CSGALNACT1: variants seen among roughly 807,000 people sequenced by gnomAD.
The protein encoded by CSGALNACT1 is chondroitin sulfate N-acetylgalactosaminyltransferase 1, also known as beta4GalNAcT-1.
Under a neutral mutation model 51.0 loss-of-function variants are expected in CSGALNACT1, and 52 were observed. The ratio of observed to expected loss-of-function variants is 1.02; its 90% CI spans 0.82 to 1.29. The LOEUF (loss-of-function observed/expected upper bound fraction) is 1.29, where lower values mean the gene tolerates loss of function less well. Ranked by LOEUF, CSGALNACT1 falls within the 50% of genes most tolerant of loss-of-function variation. The pLI, the probability that CSGALNACT1 is intolerant of heterozygous loss-of-function variation, is 0.00. For missense variants in CSGALNACT1, 935 were observed against 679.2 expected (o/e 1.38, Z -4.19); for synonymous variants, 341 against 254.4 (o/e 1.34, Z -3.24).
At chr8:19,515,006 C>T (rs879041397) in intron 3 of CSGALNACT1, among the ~76,000 whole-genome samples, 1 of 152,278 alleles carries the variant, frequency 6.6e-6, no homozygotes, top group Admixed American at 6.5e-5. Flanking sequence ...AGTTGATCTT[C>T]TGACTGCATT....
At chr8:19,626,431 A>T (rs2054466628) in intron 1 of CSGALNACT1, among the ~76,000 whole-genome samples, 1 of 152,226 alleles carries the variant, frequency 6.6e-6, no homozygotes, top group Non-Finnish European at 1.5e-5. Flanking sequence ...TTTAACAAAA[A>T]TTAGATCAAA....
At chr8:19,582,656 T>C (rs970594098) in intron 3 of CSGALNACT1, among the ~76,000 whole-genome samples, 2 of 152,160 alleles carry the variant, frequency 1.3e-5, no homozygotes, top group Non-Finnish European at 2.9e-5. Context: ...TAGAGAGGCA[T>C]GCTCACTCTT....
At chr8:19,457,588 G>A (rs1407500636) in intron 5 of CSGALNACT1, 4 of 1,025,964 alleles carry the variant, frequency 3.9e-6, no homozygotes, top group Non-Finnish European at 5.3e-6. Flanking sequence ...ACTCCAGCCT[G>A]GGTGACAGAG....
At chr8:19,734,064 G>T (rs1208527771) in intron 1 of CSGALNACT1, among the ~76,000 whole-genome samples, 1 of 152,194 alleles carries the variant, frequency 6.6e-6, no homozygotes, top group Non-Finnish European at 1.5e-5. Flanking sequence ...GGGATGGAGA[G>T]GGACCAGGCT....
At chr8:19,666,551 C>T (rs2059186433) in intron 1 of CSGALNACT1, among the ~76,000 whole-genome samples, 1 of 151,342 alleles carries the variant, frequency 6.6e-6, no homozygotes, top group South Asian at 2.1e-4. Context: ...AAAGATTAGC[C>T]AGGTGTGGTG....
At chr8:19,542,138 G>C (rs1263645214) in intron 3 of CSGALNACT1, among the ~76,000 whole-genome samples, 1 of 151,700 alleles carries the variant, frequency 6.6e-6, no homozygotes, top group African/African-American at 2.4e-5. Flanking sequence ...TCTTCTGTGA[G>C]CTCCTTGATT....
intron 1 of CSGALNACT1, among the ~76,000 whole-genome samples, chr8:19,621,707 T>C (rs992006040): frequency 6.6e-6 from 1 of 151,982 alleles, no homozygotes; most frequent in African/African-American, 2.4e-5. Flanking sequence ...CCTAAGACCA[T>C]GAGGTTGAGG....
chr8:19,457,091 C>T (rs553454381), intron 5 of CSGALNACT1, among the ~76,000 whole-genome samples: 14 of 152,328 alleles, frequency 9.2e-5, no homozygotes, highest in African/African-American at 3.4e-4. Flanking sequence ...TGCACACACA[C>T]ATTGCCTAGA....
At chr8:19,520,304 G>C (rs978365622) in intron 3 of CSGALNACT1, among the ~76,000 whole-genome samples, 2 of 152,186 alleles carry the variant, frequency 1.3e-5, no homozygotes, top group Non-Finnish European at 2.9e-5. Context: ...AAAAAATGTA[G>C]GGAAAAATAA....
intron 1 of CSGALNACT1, among the ~76,000 whole-genome samples, chr8:19,678,115 A>AC: frequency 6.6e-6 from 1 of 152,180 alleles, no homozygotes; most frequent in African/African-American, 2.4e-5. Context: ...AAACAAACAA[A>AC]AAAAAAAATT....
chr8:19,501,907 T>TA (rs745806257), intron 4 of CSGALNACT1, among the ~76,000 whole-genome samples: 18 of 152,162 alleles, frequency 1.2e-4, no homozygotes, highest in Non-Finnish European at 2.5e-4. Context: ...CAGATGGTTG[T>TA]AAAAAATTAC....
chr8:19,608,334 C>T (rs553412268), intron 1 of CSGALNACT1, among the ~76,000 whole-genome samples: 2 of 152,226 alleles, frequency 1.3e-5, no homozygotes, highest in African/African-American at 2.4e-5. Context: ...ATGGAAGTAG[C>T]GGTATGGGGA....
intron 3 of CSGALNACT1, among the ~76,000 whole-genome samples, chr8:19,555,155 C>A (rs1021883758): frequency 6.6e-6 from 1 of 151,862 alleles, no homozygotes; most frequent in Non-Finnish European, 1.5e-5. Context: ...AGGAAAATAG[C>A]TTGAACCCAG....
At chr8:19,542,888 T>C (rs887944388) in intron 3 of CSGALNACT1, among the ~76,000 whole-genome samples, 1 of 152,122 alleles carries the variant, frequency 6.6e-6, no homozygotes, top group Non-Finnish European at 1.5e-5. Flanking sequence ...CTTCTGTAGA[T>C]TCCAATTGTT....
At chr8:19,611,772 TAGC>T (rs2052302824) in intron 1 of CSGALNACT1, among the ~76,000 whole-genome samples, 1 of 152,056 alleles carries the variant, frequency 6.6e-6, no homozygotes, top group Non-Finnish European at 1.5e-5. Context: ...TTTTGCATGG[TAGC>T]AGCAGAAACG....
chr8:19,487,842 A>G (rs1162237293), intron 4 of CSGALNACT1, among the ~76,000 whole-genome samples: 2 of 152,342 alleles, frequency 1.3e-5, no homozygotes, highest in East Asian at 3.9e-4. Flanking sequence ...TTGGGGGTTT[A>G]GAATGGAAAC....
At chr8:19,420,415 G>A in exon 7 of CSGALNACT1, 2 of 1,614,158 alleles carry the variant, frequency 1.2e-6, no homozygotes, top group Non-Finnish European at 1.7e-6. Flanking sequence ...AAAAAGAGAA[G>A]GACGTTGCTT....
At chr8:19,595,261 G>C (rs754679947) in intron 2 of CSGALNACT1, among the ~76,000 whole-genome samples, 4 of 152,112 alleles carry the variant, frequency 2.6e-5, no homozygotes, top group Non-Finnish European at 5.9e-5. Context: ...CCTTTAGAGC[G>C]AGTATTAGCT....
chr8:19,556,290 C>T (rs1186991753), intron 3 of CSGALNACT1, among the ~76,000 whole-genome samples: 3 of 151,630 alleles, frequency 2.0e-5, no homozygotes, highest in Non-Finnish European at 2.9e-5. Flanking sequence ...GCAGGAGAAT[C>T]GCTTGAACCT....
Sources: gnomAD v4.1 joint callset for allele counts (sites outside exome capture counted in the v4.1 genomes callset) on GRCh38, gnomAD v4.1.1 for gene constraint, MANE v1.5 for transcripts, NCBI Gene and HGNC (gene_info 2026-07-23, HGNC 2026-07-21) for gene names.